The following MYO1D variants were observed in gnomAD, a reference collection of about 807,000 sequenced individuals.
MYO1D encodes the protein myosin ID.
MYO1D carries 83 observed loss-of-function variants against 122.0 expected under a neutral mutation model. The ratio of observed to expected loss-of-function variants is 0.68; its 90% CI spans 0.57 to 0.82. MYO1D has a LOEUF of 0.82. Among genes scored for constraint, MYO1D ranks in the 40% least tolerant of loss-of-function variants. The probability of loss-of-function intolerance (pLI) is 0.00; values close to 1 mark genes in which losing one functional copy is unlikely to be tolerated. For synonymous variants in MYO1D, 464 were observed against 446.9 expected, an observed-to-expected ratio of 1.04 and a Z score of -0.48; for missense variants, 1,157 against 1,269.5, an observed-to-expected ratio of 0.91 and a Z score of 1.35.
rs1317648196 is a variant in MYO1D at position 32,624,853 on chromosome 17, C to T, written c.2709+13869G>A. Among the ~76,000 whole-genome samples the T allele has an allele frequency of 4.0e-5, 6 of 150,978 alleles. No homozygotes were observed. In the East Asian group the frequency reaches 9.7e-4, roughly 25 times the overall value. ...TTGCCCAGGCTGGTATGCAATGGCGCGATCTTGGCTCACTGCAACCTCCGC... is the reference window on the plus strand; with the variant it reads ...TTGCCCAGGCTGGTATGCAATGGCGTGATCTTGGCTCACTGCAACCTCCGC... On this transcript the variant is annotated intron_variant, in intron 20 of 21. Coordinates refer to ENST00000318217, the MANE Select transcript of MYO1D (RefSeq NM_015194.3).
At chr17:32,714,436 T>A (rs1220538651) in intron 15 of MYO1D, among the ~76,000 whole-genome samples, 1 of 152,218 alleles carries the variant, frequency 6.6e-6, no homozygotes, top group Non-Finnish European at 1.5e-5. Context: ...TTCCATGGTG[T>A]GTATGTACCA....
intron 21 of MYO1D, among the ~76,000 whole-genome samples, chr17:32,547,663 G>GT (rs1235998941): frequency 6.6e-6 from 1 of 152,168 alleles, no homozygotes; most frequent in Non-Finnish European, 1.5e-5. Flanking sequence ...ATTCACTATA[G>GT]TAGCTCAGCG....
intron 1 of MYO1D, among the ~76,000 whole-genome samples, chr17:32,811,336 A>C (rs1453218068): frequency 6.6e-6 from 1 of 152,214 alleles, no homozygotes; most frequent in Non-Finnish European, 1.5e-5. Flanking sequence ...CCACTTAGCC[A>C]AAAAGAAACT....
intron 1 of MYO1D, among the ~76,000 whole-genome samples, chr17:32,849,304 C>A (rs1185746333): frequency 6.7e-6 from 1 of 149,460 alleles, no homozygotes; most frequent in African/African-American, 2.5e-5. Flanking sequence ...ACCCAGCCAT[C>A]CCATTACTGG....
chr17:32,725,786 A>AT (rs934291714), intron 14 of MYO1D, among the ~76,000 whole-genome samples: 4 of 151,350 alleles, frequency 2.6e-5, no homozygotes, highest in African/African-American at 2.4e-5. Context: ...CTACAAGCAT[A>AT]TTTAAAAAAA....
At chr17:32,717,064 C>T (rs1273643442) in intron 15 of MYO1D, among the ~76,000 whole-genome samples, 1 of 152,226 alleles carries the variant, frequency 6.6e-6, no homozygotes, top group Non-Finnish European at 1.5e-5. Flanking sequence ...CAAAAATTCA[C>T]TGTAGAAAAT....
At chr17:32,605,305 C>T in intron 20 of MYO1D, 64 bp from the exon 21 acceptor site, 2 of 1,445,452 alleles carry the variant, frequency 1.4e-6, no homozygotes, top group Non-Finnish European at 1.9e-6. Flanking sequence ...TTAAAAAATA[C>T]ATTTTGGAGC....
intron 1 of MYO1D, among the ~76,000 whole-genome samples, chr17:32,853,501 T>C (rs373158874): frequency 4.6e-5 from 7 of 152,212 alleles, no homozygotes; most frequent in African/African-American, 1.4e-4. Flanking sequence ...CTCCCAGAAA[T>C]AGTTGGATGC....
intron 1 of MYO1D, among the ~76,000 whole-genome samples, chr17:32,850,189 G>C (rs948880676): frequency 2.6e-5 from 4 of 152,160 alleles, no homozygotes; most frequent in African/African-American, 4.8e-5. Flanking sequence ...TACTGTTCTT[G>C]AGATGGCTCT....
At chr17:32,593,574 G>T (rs1047876341) in intron 21 of MYO1D, among the ~76,000 whole-genome samples, 1 of 152,106 alleles carries the variant, frequency 6.6e-6, no homozygotes, top group African/African-American at 2.4e-5. Flanking sequence ...TCCACTCCCA[G>T]GTCTGTGTGT....
intron 15 of MYO1D, among the ~76,000 whole-genome samples, chr17:32,720,457 C>T (rs564617526): frequency 1.1e-4 from 16 of 152,168 alleles, no homozygotes; most frequent in Middle Eastern, 3.4e-3. Context: ...CAAAGTCACA[C>T]AACTGAAAAA....
chr17:32,799,484 T>C (rs995555832), intron 1 of MYO1D, among the ~76,000 whole-genome samples: 2 of 152,166 alleles, frequency 1.3e-5, no homozygotes, highest in African/African-American at 2.4e-5. Context: ...TATTCATATA[T>C]GGAAGAATGA....
chr17:32,629,548 G>T (rs563719476), intron 20 of MYO1D, among the ~76,000 whole-genome samples: 62 of 152,130 alleles, frequency 4.1e-4, no homozygotes, highest in African/African-American at 1.4e-3. Context: ...GCCTGGCCAA[G>T]ATGGTGAAAC....
Position 32,574,962 on chromosome 17 carries a change from C to A in MYO1D, c.2864+30125G>T, listed in dbSNP as rs1022589534. Among the ~76,000 whole-genome samples the A allele has an allele frequency of 3.3e-5, 5 of 152,150 alleles. No homozygotes were observed. In the East Asian group the frequency reaches 9.6e-4, roughly 29 times the overall value. On this transcript the variant is annotated intron_variant, in intron 21 of 21. Transcript: ENST00000318217. ...ATATGTAAAATGAGGATAAATATGT[C>A]TACCTTGTAATACAGTGACTTTGAA...
chr17:32,545,832 T>C (rs1369572955), intron 21 of MYO1D, among the ~76,000 whole-genome samples: 1 of 151,820 alleles, frequency 6.6e-6, no homozygotes, highest in Non-Finnish European at 1.5e-5. Flanking sequence ...GAACAGAAAG[T>C]AGGATGAAAT....
chr17:32,828,343 C>T (rs2090741064), intron 1 of MYO1D, among the ~76,000 whole-genome samples: 1 of 151,830 alleles, frequency 6.6e-6, no homozygotes, highest in Admixed American at 6.6e-5. Flanking sequence ...GGTGAAACCC[C>T]GTCTCTACTA....
At chr17:32,610,282 C>T (rs1275348361) in intron 20 of MYO1D, among the ~76,000 whole-genome samples, 1 of 152,188 alleles carries the variant, frequency 6.6e-6, no homozygotes, top group Non-Finnish European at 1.5e-5. Flanking sequence ...CCCTTGCTGT[C>T]TAGGTGGCTT....
intron 20 of MYO1D, among the ~76,000 whole-genome samples, chr17:32,611,939 T>C (rs2087707428): frequency 6.6e-6 from 1 of 152,242 alleles, no homozygotes; most frequent in Non-Finnish European, 1.5e-5. Flanking sequence ...TCAGCTCAAA[T>C]ATTTAACAGT....
At chr17:32,708,315 A>T (rs2089334121) in intron 16 of MYO1D, among the ~76,000 whole-genome samples, 1 of 152,322 alleles carries the variant, frequency 6.6e-6, no homozygotes, top group South Asian at 2.1e-4. Context: ...TGGCCACCAC[A>T]ATGTTAATGA....
Sources: allele counts gnomAD v4.1 joint callset (sites outside exome capture counted in the v4.1 genomes callset), GRCh38; gene constraint gnomAD v4.1.1; transcripts MANE v1.5; gene names NCBI Gene and HGNC (gene_info 2026-07-23, HGNC 2026-07-21).